The following NBAS variants were observed in gnomAD, a reference collection of about 807,000 sequenced individuals.
The protein encoded by NBAS is NBAS subunit of NRZ tethering complex, also known as NAG/BC035112 fusion.
NBAS carries 219 observed loss-of-function variants against 302.5 expected under a neutral mutation model. The ratio of observed to expected loss-of-function variants is 0.72; its 90% confidence interval spans 0.65 to 0.81. The LOEUF (loss-of-function observed/expected upper bound fraction) is 0.81, where lower values mean the gene tolerates loss of function less well. Ranked by LOEUF, NBAS falls within the 30% of genes least tolerant of loss-of-function variation. NBAS has a pLI of 0.00. For missense variants in NBAS, 2,932 were observed against 2,841.6 expected, an observed-to-expected ratio of 1.03 and a Z score of -0.72; for synonymous variants, 1,118 against 1,021.6, an observed-to-expected ratio of 1.09 and a Z score of -1.80.
At chr2:15,060,755 A>T in the NBAS span, among the ~76,000 whole-genome samples, 2 of 152,182 alleles carry the variant, frequency 1.3e-5, no homozygotes, top group Non-Finnish European at 2.9e-5. Context: ...TTTCAGCTGT[A>T]AAATTGGGGT....
chr2:15,042,228 A>C, the NBAS span, among the ~76,000 whole-genome samples: 2 of 152,184 alleles, frequency 1.3e-5, no homozygotes, highest in Non-Finnish European at 2.9e-5. Context: ...TAAGTGCGTA[A>C]TTGCCATCCT....
At position 15,417,675 on chromosome 2, in the gene NBAS, T is replaced by C. The variant is rs1677011978; in HGVS notation, c.2615A>G (p.Glu872Gly). 1 of 1,613,980 alleles carries C rather than the reference T, an allele frequency of 6.2e-7. No individual in the cohort carries two copies. Residue 872 changes from glutamate (E) to glycine (G), a missense_variant, in exon 24 of 52, where the codon GAG (glutamate) becomes GGG (glycine). Transcript: ENST00000281513. ...AACCAGCAAACCAGGAATATTCCGC[T>C]CCATCCCAAGTCGAATAAGTGACAA... ...CALSLIRLGM[E>G]RNIPGLLVLC...
chr2:15,561,151 G>A, intron 1 of NBAS, 37 bp downstream of exon 1: 2 of 1,574,918 alleles, frequency 1.3e-6, no homozygotes, highest in East Asian at 2.3e-5. Context: ...AAGCGCCCGC[G>A]CCAAGCTGGC....
chr2:14,797,342 A>G, the NBAS span, among the ~76,000 whole-genome samples: 1 of 152,184 alleles, frequency 6.6e-6, no homozygotes, highest in South Asian at 2.1e-4. Context: ...TAGGTGCTAA[A>G]GGACTGGCAC....
chr2:15,478,371 A>G, intron 12 of NBAS, 82 bp from the exon 13 acceptor site: 4 of 991,744 alleles, frequency 4.0e-6, no homozygotes, highest in Non-Finnish European at 6.4e-6. Flanking sequence ...GACTTTTTCA[A>G]ATAAAGAGAT....
chr2:14,875,823 G>A, the NBAS span, among the ~76,000 whole-genome samples: 2 of 152,098 alleles, frequency 1.3e-5, no homozygotes, highest in Admixed American at 1.3e-4. Flanking sequence ...CCCATGTAAA[G>A]GCAAACTACT....
At chr2:15,340,526 C>T (rs541595298) in intron 35 of NBAS, among the ~76,000 whole-genome samples, 1 of 152,182 alleles carries the variant, frequency 6.6e-6, no homozygotes, top group South Asian at 2.1e-4. Context: ...AAGAAATTAA[C>T]TATAGATGTT....
chr2:15,329,740 G>T (rs1464581512), intron 36 of NBAS, among the ~76,000 whole-genome samples: 1 of 152,090 alleles, frequency 6.6e-6, no homozygotes, highest in East Asian at 1.9e-4. Flanking sequence ...CAGTCCAGGG[G>T]AGCTAGAGTT....
chr2:14,966,248 T>C, the NBAS span, among the ~76,000 whole-genome samples: 2 of 152,210 alleles, frequency 1.3e-5, no homozygotes, highest in Non-Finnish European at 2.9e-5. Flanking sequence ...TTGTGGTACT[T>C]TGTAACGGCA....
At chr2:14,985,427 C>T in the NBAS span, among the ~76,000 whole-genome samples, 2 of 152,120 alleles carry the variant, frequency 1.3e-5, no homozygotes. Context: ...GAAACATATC[C>T]CGCAGCTGCG....
the NBAS span, among the ~76,000 whole-genome samples, chr2:14,905,025 C>A: frequency 7.2e-5 from 11 of 152,072 alleles, no homozygotes; most frequent in African/African-American, 2.4e-5. Context: ...CCAGCCTGGG[C>A]GACAGAGTGA....
downstream of NBAS, among the ~76,000 whole-genome samples, chr2:15,165,837 T>C (rs1664005259): frequency 6.6e-6 from 1 of 152,230 alleles, no homozygotes; most frequent in Non-Finnish European, 1.5e-5. Context: ...TTACTCCCTA[T>C]AACAATGATG....
chr2:15,439,305 T>TA (rs74898089), intron 21 of NBAS, among the ~76,000 whole-genome samples: 1,299 of 74,402 alleles, frequency 0.017, 18 homozygotes, highest in African/African-American at 0.04. Context: ...CGGTCTCAAA[T>TA]AAAAAAAAAA....
chr2:15,271,541 C>T (rs1025745346), intron 44 of NBAS, among the ~76,000 whole-genome samples: 1 of 152,046 alleles, frequency 6.6e-6, no homozygotes, highest in African/African-American at 2.4e-5. Context: ...TAACACTGGG[C>T]AAGGTACCAG....
the NBAS span, among the ~76,000 whole-genome samples, chr2:15,005,853 AACTT>A: frequency 6.6e-6 from 1 of 152,234 alleles, no homozygotes; most frequent in African/African-American, 2.4e-5. Context: ...GAGAGTAAGA[AACTT>A]ACTATACTTC....
intron 21 of NBAS, among the ~76,000 whole-genome samples, chr2:15,443,815 C>CA (rs1678576529): frequency 6.6e-6 from 1 of 152,016 alleles, no homozygotes; most frequent in African/African-American, 2.4e-5. Context: ...TCTCAGGATA[C>CA]AAAATCAATG....
intron 33 of NBAS, among the ~76,000 whole-genome samples, chr2:15,355,019 CAG>C (rs1208311308): frequency 6.6e-6 from 1 of 152,180 alleles, no homozygotes; most frequent in African/African-American, 2.4e-5. Flanking sequence ...TTGCTGTATT[CAG>C]AGTTGAGTCC....
the NBAS span, among the ~76,000 whole-genome samples, chr2:14,946,254 C>T: frequency 6.6e-6 from 1 of 151,924 alleles, no homozygotes; most frequent in African/African-American, 2.4e-5. Flanking sequence ...CAGTTTCAAC[C>T]CAAACAAGAC....
At chr2:15,253,784 T>A (rs962094610) in intron 44 of NBAS, among the ~76,000 whole-genome samples, 2 of 152,180 alleles carry the variant, frequency 1.3e-5, no homozygotes, top group Non-Finnish European at 2.9e-5. Flanking sequence ...CAATTCAGAA[T>A]GCTGGTGTAT....
Sources: allele counts gnomAD v4.1 joint callset (sites outside exome capture counted in the v4.1 genomes callset), GRCh38; gene constraint gnomAD v4.1.1; transcripts MANE v1.5; gene names NCBI Gene and HGNC (gene_info 2026-07-23, HGNC 2026-07-21).